MFGE8: variants seen among roughly 807,000 people sequenced by gnomAD.
MFGE8 encodes the protein milk fat globule EGF and factor V/VIII domain containing, also known as lactadherin.
Under a neutral mutation model 42.6 loss-of-function variants are expected in MFGE8, and 34 were observed. The observed-to-expected ratio is 0.80, with a 90% CI of 0.61 to 1.06. The LOEUF (loss-of-function observed/expected upper bound fraction) is 1.06. Among genes scored for constraint, MFGE8 ranks in the 50% least tolerant of loss-of-function variants. The probability of loss-of-function intolerance (pLI) is 0.00; values close to 1 mark genes in which losing one functional copy is unlikely to be tolerated. For missense variants in MFGE8, 510 were observed against 516.9 expected, an observed-to-expected ratio of 0.99 and a Z score of 0.13; for synonymous variants, 230 against 214.8, an observed-to-expected ratio of 1.07 and a Z score of -0.62.
chr15:88,905,207 G>A lies in MFGE8; in HGVS notation c.685+550C>T, dbSNP rs1898612091. ...TGCAGACTCTTAAGAGTTTGGCAGG[G>A]AAAGCTCTGGATGGGTGTGGTCGGG... On this transcript the variant is annotated intron_variant, in intron 5 of 7. Coordinates refer to ENST00000268150, the MANE Select transcript of MFGE8 (RefSeq NM_005928.4). The surrounding 1 kb of genome is among the most constrained non-coding windows in gnomAD (Gnocchi z 6.6). Among the ~76,000 whole-genome samples the A allele has an allele frequency of 6.6e-6, 1 of 152,184 alleles. No homozygotes were observed. Among genetic ancestry groups the A allele is most frequent in the Non-Finnish European group, 1.5e-5 (1 of 68,030 alleles).
chr15:88,905,924 G>A lies in MFGE8; in HGVS notation c.541-23C>T. 2 of 1,614,090 alleles carry A rather than the reference G, an allele frequency of 1.2e-6. No homozygotes were observed. Among genetic ancestry groups the A allele is most frequent in the Non-Finnish European group, 1.7e-6 (2 of 1,179,968 alleles). On this transcript the variant is annotated intron_variant, in intron 4 of 7. Coordinates refer to ENST00000268150, the MANE Select transcript of MFGE8 (RefSeq NM_005928.4). This position sits in a 1 kb window ranked among gnomAD's most constrained non-coding sequence, Gnocchi z 6.6. ...CTCCTAGCAGGGAAGGGACAAGACTGGAGAAGGGGGTCCATCTGAGCAGTC... is the reference window on the plus strand; with the variant it reads ...CTCCTAGCAGGGAAGGGACAAGACTAGAGAAGGGGGTCCATCTGAGCAGTC...
At chr15:88,901,517 A>ACCCACAAAGGAGGAC in intron 6 of MFGE8, 34 bp downstream of exon 6, 1 of 1,072,616 alleles carries the variant, frequency 9.3e-7, no homozygotes, top group Non-Finnish European at 1.4e-6. Context: ...ATCCCACCCA[A>ACCCACAAAGGAGGAC]CCCCAGCCCC....
At position 88,901,645 on chromosome 15, in the gene MFGE8, A is replaced by T; in HGVS notation, c.776T>A (p.Leu259His). The T allele has an allele frequency of 2.5e-6, 4 of 1,613,886 alleles. No individual in the cohort carries two copies. Among genetic ancestry groups the T allele is most frequent in the Non-Finnish European group, 3.4e-6 (4 of 1,179,996 alleles). ...TGCATAGGAGGGGTTCCAGCTGAAG[A>T]GATGCAAGCCCCAGGTCTTGTAGCT... ...SSSYKTWGLH[L>H]FSWNPSYARL... Residue 259 changes from leucine to histidine, a missense_variant, in exon 6 of 8, where the codon CTC (leucine) becomes CAC (histidine). Leu to His is a moderately conservative substitution (Grantham distance 99). Transcript: ENST00000268150.
Position 88,899,193 on chromosome 15 carries a change from G to C in MFGE8, c.*202C>G. The C allele has an allele frequency of 1.5e-6, 1 of 679,964 alleles. No individual in the cohort carries two copies. The highest frequency in any genetic ancestry group is 2.7e-5 in the East Asian group (1 of 36,582). 42.1% of individuals were successfully genotyped at this position (679,964 alleles called of 1,614,324 possible). A position where few individuals can be genotyped will look rare whatever the true frequency, so the allele number is the denominator to read the frequency against. On this transcript the variant is annotated 3_prime_UTR_variant, in exon 8 of 8. Transcript: ENST00000268150. This position sits in a 1 kb window ranked among gnomAD's most constrained non-coding sequence, Gnocchi z 6.8. ...AGGACAGTGAGGACTGGGGGTTAGG[G>C]GACGGGGCTTAGGGGCTGGGGCAGG... is the stretch of plus-strand genomic sequence containing the variant.
rs1386136292 is a variant in MFGE8 at position 88,907,298 on chromosome 15, A to G, written c.284T>C (p.Phe95Ser). ...QIAASSVRVTFLGLQHWVPEL... is the reference protein window; with the variant it reads ...QIAASSVRVTSLGLQHWVPEL... ...CGGGACCCAATGCTGCAAACCCAAGAAGGTCACACGCACAGACGAGGCGGC... is the reference window on the plus strand; with the variant it reads ...CGGGACCCAATGCTGCAAACCCAAGGAGGTCACACGCACAGACGAGGCGGC... The change falls in exon 3 of 8, where the codon TTC becomes TCC. Residue 95 changes from phenylalanine (F) to serine (S), a missense_variant. Transcript: ENST00000268150. 1 of 1,614,212 alleles carries G rather than the reference A, an allele frequency of 6.2e-7. No homozygotes were observed. Among genetic ancestry groups the G allele is most frequent in the South Asian group, 1.1e-5 (1 of 91,086 alleles).
At chr15:88,911,942 TAGC>T (rs1898979446) in intron 1 of MFGE8, among the ~76,000 whole-genome samples, 1 of 152,070 alleles carries the variant, frequency 6.6e-6, no homozygotes, top group Non-Finnish European at 1.5e-5. Flanking sequence ...TGGCTTTAAA[TAGC>T]AGGTAATCCT....
In MFGE8 at chr15:88,899,970, T is replaced by C. The variant is rs1368100572; in HGVS notation, c.871-159A>G. Among the ~76,000 whole-genome samples the C allele has an allele frequency of 6.6e-6, 1 of 152,122 alleles. No individual in the cohort carries two copies. The highest frequency in any genetic ancestry group is 2.1e-4 in the South Asian group (1 of 4,824). On this transcript the variant is annotated intron_variant, in intron 6 of 7. Coordinates refer to ENST00000268150, the MANE Select transcript of MFGE8 (RefSeq NM_005928.4). This position sits in a 1 kb window ranked among gnomAD's most constrained non-coding sequence, Gnocchi z 6.8. ...AATGGGCATAAGGCCGGACATGGTG[T>C]CTCATGCCTATAATCCCAACACTTT...
At chr15:88,901,320 CACACACACACACACAT>C (rs979261950) in intron 6 of MFGE8, among the ~76,000 whole-genome samples, 7 of 146,754 alleles carry the variant, frequency 4.8e-5, no homozygotes, top group Non-Finnish European at 9.0e-5. Flanking sequence ...CACACACATT[CACACACACACACACAT>C]ACACACACAC....
In MFGE8 at chr15:88,907,359, C is replaced by A. The variant is rs1386225740; in HGVS notation, c.223G>T (p.Gly75Cys). The A allele has an allele frequency of 6.2e-7, 1 of 1,614,160 alleles. No individual in the cohort carries two copies. The highest frequency in any genetic ancestry group is 8.5e-7 in the Non-Finnish European group (1 of 1,180,020). ...HCETKCVEPL[G>C]LENGNIANSQ... ...TTGGCAATGTTCCCATTCTCCAGGC[C>A]CAGTGGCTCGACACATTCTGAGGGA... Residue 75 changes from glycine to cysteine, a missense_variant, in exon 3 of 8, where the codon GGC becomes TGC. Physicochemically the swap from Gly to Cys is radical, Grantham distance 159. Coordinates refer to ENST00000268150, the MANE Select transcript of MFGE8 (RefSeq NM_005928.4).
In MFGE8 at chr15:88,909,784, A is replaced by C. The variant is rs1567024458; in HGVS notation, c.205+8T>G. On this transcript the variant is annotated splice_region_variant and intron_variant, in intron 2 of 7. Coordinates refer to ENST00000268150, the MANE Select transcript of MFGE8 (RefSeq NM_005928.4). ...AGAAACAGGCAACAAGCACCCCCAC[A>C]TACTCACTCGTCTCACAGTGGTTGC... The C allele has an allele frequency of 4.3e-6, 7 of 1,613,856 alleles. No homozygotes were observed. The highest frequency in any genetic ancestry group is 8.5e-7 in the Non-Finnish European group (1 of 1,179,934).
intron 1 of MFGE8, chr15:88,910,325 G>A (rs1485113719): frequency 3.0e-6 from 1 of 330,506 alleles, no homozygotes; most frequent in Non-Finnish European, 5.9e-6. Context: ...TTCAGGCAGG[G>A]GCAGTGGAAG....
chr15:88,901,430 G>A, intron 6 of MFGE8, 121 bp downstream of exon 6: 1 of 960,082 alleles, frequency 1.0e-6, no homozygotes, highest in Non-Finnish European at 1.6e-6. Context: ...GAAAAACAAG[G>A]CTTTTCCAGA....
rs896057603 is a variant in MFGE8 at position 88,912,864 on chromosome 15, A to G, written c.73+383T>C. ...GGACAAAGTTATCCAGACAAGACTT[A>G]TCCATACTAGAGTCCTAGAATCTCC... On this transcript the variant is annotated intron_variant, in intron 1 of 7. Transcript: ENST00000268150. The G allele has an allele frequency of 2.2e-5, 22 of 985,322 alleles. No individual in the cohort carries two copies. The African/African-American group carries it at 3.7e-4, about 16-fold the overall frequency. The allele number at this position is 985,322 out of a possible 1,614,324, so 61.0% of individuals were successfully genotyped here. A position where few individuals can be genotyped will look rare whatever the true frequency, so the allele number is the denominator to read the frequency against.
Position 88,903,725 on chromosome 15 carries a change from G to C in MFGE8, c.686-1990C>G, listed in dbSNP as rs1256836683. The C allele has an allele frequency of 6.6e-6, 1 of 152,220 alleles. No individual in the cohort carries two copies. Among genetic ancestry groups the C allele is most frequent in the South Asian group, 2.1e-4 (1 of 4,832 alleles). 9.4% of individuals were successfully genotyped at this position (152,220 alleles called of 1,614,324 possible). On this transcript the variant is annotated intron_variant, in intron 5 of 7. Transcript: ENST00000268150. The surrounding 1 kb of genome is among the most constrained non-coding windows in gnomAD (Gnocchi z 4.9). The stretch of plus-strand genomic sequence containing the variant: ...AGCTGGTCTTGATCTCCTGACCTCA[G>C]GTGATCCGCTCGCCTCGGCCTCCCA...
In MFGE8 at chr15:88,899,424, C is replaced by A; in HGVS notation, c.1135G>T (p.Ala379Ser). The change falls in exon 8 of 8, where the codon GCC becomes TCC. Residue 379 changes from alanine (A) to serine (S), a missense_variant. Coordinates refer to ENST00000268150, the MANE Select transcript of MFGE8 (RefSeq NM_005928.4). This position sits in a 1 kb window ranked among gnomAD's most constrained non-coding sequence, Gnocchi z 6.8. ...CAGCCCAGCAGCTCCAGGCGCAGGG[C>A]GATGCGGTTGTGCCAGGCTACAGGC... The part of the protein sequence containing the change: ...ILPVAWHNRI[A>S]LRLELLGC 1.2e-6 allele frequency: 2 copies of A among 1,614,166 alleles called. No homozygotes were observed. Among genetic ancestry groups the A allele is most frequent in the African/African-American group, 2.7e-5 (2 of 75,054 alleles).
chr15:88,910,856 T>G (rs544021098), intron 1 of MFGE8: 1 of 152,276 alleles, frequency 6.6e-6, no homozygotes, highest in African/African-American at 2.4e-5. Context: ...CAGTGGCTTT[T>G]AACCTTCCTT....
chr15:88,903,489 T>G lies in MFGE8; in HGVS notation c.686-1754A>C, dbSNP rs886275147. ...CTGTATTTCTTTTTTTTTGTTTTTT[T>G]GTTTGTTTGTTTGAGACACAGTCTC... On this transcript the variant is annotated intron_variant, in intron 5 of 7. Coordinates refer to ENST00000268150, the MANE Select transcript of MFGE8 (RefSeq NM_005928.4). This position sits in a 1 kb window ranked among gnomAD's most constrained non-coding sequence, Gnocchi z 4.9. The G allele has an allele frequency of 6.6e-6, 1 of 151,996 alleles. No homozygotes were observed. The highest frequency in any genetic ancestry group is 1.5e-5 in the Non-Finnish European group (1 of 67,972). 9.4% of individuals were successfully genotyped at this position (151,996 alleles called of 1,614,324 possible). A position where few individuals can be genotyped will look rare whatever the true frequency, so the allele number is the denominator to read the frequency against.
chr15:88,899,433 T>C lies in MFGE8; in HGVS notation c.1126A>G (p.Asn376Asp). The stretch of plus-strand genomic sequence containing the variant: ...AGCTCCAGGCGCAGGGCGATGCGGT[T>C]GTGCCAGGCTACAGGCAGGATGCGC... ...YVRILPVAWH[N>D]RIALRLELLG... The change falls in exon 8 of 8, where the codon AAC becomes GAC. Residue 376 changes from asparagine to aspartate, a missense_variant. Coordinates refer to ENST00000268150, the MANE Select transcript of MFGE8 (RefSeq NM_005928.4). The surrounding 1 kb of genome is among the most constrained non-coding windows in gnomAD (Gnocchi z 6.8). The C allele has an allele frequency of 6.2e-7, 1 of 1,614,200 alleles. No homozygotes were observed. The highest frequency in any genetic ancestry group is 8.5e-7 in the Non-Finnish European group (1 of 1,180,022).
intron 5 of MFGE8, chr15:88,904,572 G>A (rs1288591820): frequency 6.6e-6 from 1 of 152,260 alleles, no homozygotes; most frequent in Non-Finnish European, 1.5e-5. Context: ...CAAGTGTCAG[G>A]GACTCCAGGG....
Sources: allele counts gnomAD v4.1 joint callset (sites outside exome capture counted in the v4.1 genomes callset), GRCh38; gene constraint gnomAD v4.1.1; non-coding constraint Gnocchi (gnomAD v3.1); transcripts MANE v1.5; gene names NCBI Gene and HGNC (gene_info 2026-07-23, HGNC 2026-07-21).